NRXN3: variants seen among roughly 807,000 people sequenced by gnomAD.
The protein encoded by NRXN3 is neurexin 3, also known as neurexin III.
NRXN3 carries 32 observed loss-of-function variants against 137.6 expected under a neutral mutation model. The ratio of observed to expected loss-of-function variants is 0.23; its 90% CI spans 0.18 to 0.31. NRXN3 has a LOEUF of 0.31. NRXN3 is among the 10% of genes least tolerant of loss of function. NRXN3 has a pLI of 1.00. For synonymous variants in NRXN3, 798 were observed against 784.5 expected (o/e 1.02, Z -0.29); for missense variants, 1,574 against 2,062.5 (o/e 0.76, Z 4.59).
chr14:78,544,252 A>G (rs1004517836), intron 4 of NRXN3, among the ~76,000 whole-genome samples: 2 of 152,222 alleles, frequency 1.3e-5, no homozygotes, highest in African/African-American at 4.8e-5. Flanking sequence ...ATGAGGGCAC[A>G]AGAGGTGTCT....
At chr14:79,425,950 G>C (rs1339766337) in intron 15 of NRXN3, among the ~76,000 whole-genome samples, 1 of 151,998 alleles carries the variant, frequency 6.6e-6, no homozygotes. Flanking sequence ...AAGAGAAATG[G>C]ATAGAAAGAG....
intron 16 of NRXN3, among the ~76,000 whole-genome samples, chr14:79,468,117 C>T (rs1260402224): frequency 6.6e-6 from 1 of 152,160 alleles, no homozygotes; most frequent in African/African-American, 2.4e-5. Flanking sequence ...ATTGCATACT[C>T]AACATTTTGC....
In NRXN3 at chr14:78,912,633, T is replaced by C. The variant is rs148970604; in HGVS notation, c.2276-44609T>C. Among the ~76,000 whole-genome samples, 628 of 152,228 alleles carry C rather than the reference T, an allele frequency of 4.1e-3. 8 individuals carry two copies. Among genetic ancestry groups the C allele is most frequent in the South Asian group, 0.015 (73 of 4,820 alleles). On this transcript the variant is annotated intron_variant, in intron 10 of 20. Coordinates refer to ENST00000335750, the MANE Select transcript of NRXN3 (RefSeq NM_001330195.2). Reference sequence around the variant, plus strand: ...CAGATAGTATGTTCAAAAGGTTAGATAGAACTTGGAGGATCATTTATTCTT... The same window carrying C: ...CAGATAGTATGTTCAAAAGGTTAGACAGAACTTGGAGGATCATTTATTCTT...
chr14:79,081,021 CA>C (rs548911145), intron 15 of NRXN3, among the ~76,000 whole-genome samples: 1 of 152,130 alleles, frequency 6.6e-6, no homozygotes, highest in South Asian at 2.1e-4. Flanking sequence ...ATCCCCTAAG[CA>C]AAAGCATAAC....
chr14:79,590,668 A>G (rs778634433), intron 16 of NRXN3, among the ~76,000 whole-genome samples: 3 of 152,112 alleles, frequency 2.0e-5, no homozygotes, highest in Admixed American at 6.5e-5. Flanking sequence ...CACCATGGAA[A>G]CCATCCATCA....
In NRXN3 at chr14:78,709,437, A is replaced by G. The variant is rs144756457; in HGVS notation, c.1442A>G (p.Asn481Ser). ...TTTGACTTCCGCACCACAGAGCCCA[A>G]TGGCCTGATCCTCTTCACTCATGGA... The part of the protein sequence containing the change: ...ISFDFRTTEP[N>S]GLILFTHGKP... Residue 481 changes from asparagine (N) to serine (S), a missense_variant, in exon 7 of 21, where the codon AAT becomes AGT. Around this residue, in one of 5 missense-constraint regions of NRXN3, gnomAD observed 718 missense variants for 887.6 expected, o/e 0.81. Transcript: ENST00000335750. 2.2e-5 allele frequency: 36 copies of G among 1,614,034 alleles called. No homozygotes were observed. The highest frequency in any genetic ancestry group is 1.5e-4 in the African/African-American group (11 of 74,922).
intron 16 of NRXN3, among the ~76,000 whole-genome samples, chr14:79,637,729 CTT>C (rs554654576): frequency 3.3e-4 from 32 of 95,554 alleles, no homozygotes; most frequent in African/African-American, 5.4e-4. Flanking sequence ...TAGAAAAGTT[CTT>C]TTTTTTTTTT....
intron 15 of NRXN3, among the ~76,000 whole-genome samples, chr14:79,301,743 G>T (rs964752418): frequency 6.6e-6 from 1 of 151,884 alleles, no homozygotes; most frequent in Non-Finnish European, 1.5e-5. Flanking sequence ...GTGTGTGTGT[G>T]TGTGCGCGCG....
At chr14:78,888,871 A>ACACACACACACACACACACACACC (rs1491176672) in intron 10 of NRXN3, among the ~76,000 whole-genome samples, 2 of 146,230 alleles carry the variant, frequency 1.4e-5, no homozygotes, top group African/African-American at 5.2e-5. Context: ...ACACACACAC[A>ACACACACACACACACACACACACC]CCCCAGATTT....
chr14:78,405,391 C>G (rs2092409266), intron 4 of NRXN3, among the ~76,000 whole-genome samples: 1 of 152,172 alleles, frequency 6.6e-6, no homozygotes, highest in Non-Finnish European at 1.5e-5. Context: ...GCTTTGCTTA[C>G]TTTTTCTTTC....
At chr14:78,470,863 C>G (rs1245001141) in intron 4 of NRXN3, among the ~76,000 whole-genome samples, 1 of 152,128 alleles carries the variant, frequency 6.6e-6, no homozygotes, top group Non-Finnish European at 1.5e-5. Context: ...TAAGTGTTAA[C>G]ATACCCATTT....
intron 15 of NRXN3, among the ~76,000 whole-genome samples, chr14:79,112,805 G>A (rs745621892): frequency 1.3e-5 from 2 of 152,166 alleles, no homozygotes; most frequent in Non-Finnish European, 2.9e-5. Context: ...ATATGTAGTG[G>A]TAGAGTTACA....
chr14:78,637,419 C>T (rs919231890), intron 4 of NRXN3, among the ~76,000 whole-genome samples: 1 of 152,192 alleles, frequency 6.6e-6, no homozygotes, highest in Non-Finnish European at 1.5e-5. Flanking sequence ...ATATCACCTA[C>T]CAAACCCTTA....
rs371884980 is a variant in NRXN3 at position 79,470,860 on chromosome 14, A to ATG, written c.3444+3471_3444+3472dup. ...ACTCCAAAATTAGCCAGCGGTGTAT[A>ATG]TGTGTGTGTGTGTGAGAGAGAGAGA... On this transcript the variant is annotated intron_variant, in intron 16 of 20. Coordinates refer to ENST00000335750, the MANE Select transcript of NRXN3 (RefSeq NM_001330195.2). Among the ~76,000 whole-genome samples the ATG allele has an allele frequency of 1.3e-4, 19 of 146,480 alleles. No homozygotes were observed. In the South Asian group the frequency reaches 1.6e-3, roughly 12 times the overall value.
intron 15 of NRXN3, among the ~76,000 whole-genome samples, chr14:79,208,760 CT>C (rs2067182762): frequency 6.6e-6 from 1 of 152,082 alleles, no homozygotes; most frequent in African/African-American, 2.4e-5. Flanking sequence ...ATATCTATAG[CT>C]AAACTATGTA....
rs371388669 is a variant in NRXN3, at chr14:78,235,558, C to T, written c.-703-6833C>T. On this transcript the variant is annotated intron_variant, in intron 1 of 20. Coordinates refer to ENST00000335750, the MANE Select transcript of NRXN3 (RefSeq NM_001330195.2). The stretch of plus-strand genomic sequence containing the variant: ...AGAAAAGGAATTTAGGTTAGCCTGA[C>T]ATGACTTCTTAGTTCTTGGGAAAAC... 2.7e-5 allele frequency among the ~76,000 whole-genome samples: 4 copies of T among 149,570 alleles called. No homozygotes were observed. The East Asian group carries it at 5.9e-4, about 22-fold the overall frequency.
chr14:79,445,671 G>A (rs1349676120), intron 15 of NRXN3, among the ~76,000 whole-genome samples: 1 of 152,166 alleles, frequency 6.6e-6, no homozygotes, highest in Non-Finnish European at 1.5e-5. Context: ...AAACATCTGG[G>A]GGAAGAGGAA....
chr14:78,423,985 G>A (rs2093563237), intron 4 of NRXN3, among the ~76,000 whole-genome samples: 1 of 152,166 alleles, frequency 6.6e-6, no homozygotes, highest in South Asian at 2.1e-4. Context: ...GTGAATTCCA[G>A]GAAAGTGGTT....
intron 1 of NRXN3, among the ~76,000 whole-genome samples, chr14:78,239,574 TC>T (rs2066811587): frequency 6.6e-6 from 1 of 152,196 alleles, no homozygotes; most frequent in African/African-American, 2.4e-5. Flanking sequence ...AGCACCTACC[TC>T]CTGCTGTTCT....
Sources: gnomAD v4.1 joint callset for allele counts (sites outside exome capture counted in the v4.1 genomes callset) on GRCh38, gnomAD v4.1.1 for gene constraint, gnomAD v4.1.1 regional missense constraint, MANE v1.5 for transcripts, NCBI Gene and HGNC (gene_info 2026-07-23, HGNC 2026-07-21) for gene names.